Variants in MAML1 observed in about 807,000 individuals in gnomAD.
MAML1 encodes the protein mastermind-like protein 1.
Under a neutral mutation model 77.1 loss-of-function variants are expected in MAML1, and 14 were observed. The ratio of observed to expected loss-of-function variants is 0.18; its 90% CI spans 0.12 to 0.28. The LOEUF (loss-of-function observed/expected upper bound fraction) is 0.28, where lower values mean the gene tolerates loss of function less well. MAML1 is among the 10% of genes least tolerant of loss of function. MAML1 has a pLI of 1.00. For missense variants in MAML1, 1,217 were observed against 1,327.8 expected (o/e 0.92, Z 1.30); for synonymous variants, 516 against 551.9 (o/e 0.93, Z 0.91).
chr5:179,750,334 T>G (rs1159445491), intron 1 of MAML1, among the ~76,000 whole-genome samples: 1 of 152,256 alleles, frequency 6.6e-6, no homozygotes, highest in Non-Finnish European at 1.5e-5. Flanking sequence ...TCTCTTTGAG[T>G]GATTTGTTTT....
At position 179,773,935 on chromosome 5, in the gene MAML1, A is replaced by G; in HGVS notation, c.2109A>G (p.Pro703=). ...AAVPGMNTLG[P]SNSSCPRVFP... ...TGCCCGGCATGAACACCTTGGGTCC[A>G]TCCAACTCCAGCTGTCCTCGAGTGT... Residue 703 remains proline, a synonymous_variant, in exon 5 of 5, where the codon CCA becomes CCG. Coordinates refer to ENST00000292599, the MANE Select transcript of MAML1 (RefSeq NM_014757.5). The G allele has an allele frequency of 6.2e-7, 1 of 1,614,210 alleles. No individual in the cohort carries two copies. Among genetic ancestry groups the G allele is most frequent in the Non-Finnish European group, 8.5e-7 (1 of 1,180,024 alleles).
intron 4 of MAML1, 162 bp from the exon 5 acceptor site, chr5:179,773,733 A>G (rs2113385483): frequency 2.0e-6 from 2 of 985,384 alleles, no homozygotes; most frequent in Non-Finnish European, 2.4e-6. Flanking sequence ...TGTTTCAGAG[A>G]CCAGGCCTCC....
chr5:179,761,954 G>A (rs1779732323), intron 1 of MAML1, among the ~76,000 whole-genome samples: 1 of 152,150 alleles, frequency 6.6e-6, no homozygotes. Context: ...AACTGGTGGA[G>A]TTTGGCTGAC....
Position 179,765,628 on chromosome 5 carries a change from G to A in MAML1, c.618G>A (p.Glu206=). 1 of 1,614,210 alleles carries A rather than the reference G, an allele frequency of 6.2e-7. No homozygotes were observed. ...LHLNGGSNPS[E]SFPLSLNKEL... ...TGAATGGAGGCAGTAACCCCAGTGA[G>A]TCATTTCCTCTGAGCCTGAATAAAG... Residue 206 remains glutamate (E), a synonymous_variant, in exon 2 of 5, where the codon GAG becomes GAA. Coordinates refer to ENST00000292599, the MANE Select transcript of MAML1 (RefSeq NM_014757.5).
chr5:179,739,284 G>C (rs1779232582), intron 1 of MAML1, among the ~76,000 whole-genome samples: 1 of 152,190 alleles, frequency 6.6e-6, no homozygotes, highest in South Asian at 2.1e-4. Flanking sequence ...TTGGGAAGCT[G>C]TGGTGGGAGG....
chr5:179,764,893 G>A (rs1779784369), intron 1 of MAML1, among the ~76,000 whole-genome samples: 1 of 152,144 alleles, frequency 6.6e-6, no homozygotes, highest in South Asian at 2.1e-4. Flanking sequence ...GAACTCAGGA[G>A]ACGGAGGTTG....
chr5:179,739,715 A>T (rs1475983699), intron 1 of MAML1, among the ~76,000 whole-genome samples: 1 of 152,186 alleles, frequency 6.6e-6, no homozygotes, highest in Non-Finnish European at 1.5e-5. Context: ...ATATGACAAC[A>T]TTTACATAGC....
At chr5:179,742,697 C>T (rs1227565926) in intron 1 of MAML1, among the ~76,000 whole-genome samples, 2 of 151,892 alleles carry the variant, frequency 1.3e-5, no homozygotes, top group Non-Finnish European at 2.9e-5. Flanking sequence ...ATCCCAGGTA[C>T]TTGGGAGGCT....
At chr5:179,770,581 G>A (rs1405260502) in intron 3 of MAML1, among the ~76,000 whole-genome samples, 3 of 151,890 alleles carry the variant, frequency 2.0e-5, no homozygotes, top group African/African-American at 4.8e-5. Flanking sequence ...TTATTCATTC[G>A]TCTGTTCATG....
intron 1 of MAML1, 80 bp downstream of exon 1, chr5:179,733,507 G>A: frequency 2.0e-6 from 2 of 1,018,940 alleles, no homozygotes; most frequent in Non-Finnish European, 2.4e-6. Context: ...GGATCGGGCC[G>A]CTGGGAGACT....
intron 1 of MAML1, among the ~76,000 whole-genome samples, chr5:179,753,793 C>T: frequency 6.6e-6 from 1 of 151,256 alleles, no homozygotes; most frequent in Non-Finnish European, 1.5e-5. Context: ...TTCAGTCTCC[C>T]AAGTAGCTAG....
chr5:179,776,692 T>C lies in MAML1; in HGVS notation c.*1815T>C, dbSNP rs1756139807. The C allele has an allele frequency of 1.0e-5, 10 of 985,774 alleles. No homozygotes were observed. In the South Asian group the frequency reaches 3.8e-4, roughly 37 times the overall value. 61.1% of individuals were successfully genotyped at this position (985,774 alleles called of 1,614,324 possible). ...TCCTTGTTCCTCTCCTGACCCCATC[T>C]GGCTGCTGCCCCGTCTCCCACCCCT... On this transcript the variant is annotated 3_prime_UTR_variant, in exon 5 of 5. Transcript: ENST00000292599.
Position 179,769,133 on chromosome 5 carries a change from C to G in MAML1, c.1971+44C>G. ...GGAAACCACCGCTTCCCACCTTTGCCTGCACCCTGCGTCACTGCTACAGTC... is the reference window on the plus strand; with the variant it reads ...GGAAACCACCGCTTCCCACCTTTGCGTGCACCCTGCGTCACTGCTACAGTC... On this transcript the variant is annotated intron_variant, in intron 3 of 4. Coordinates refer to ENST00000292599, the MANE Select transcript of MAML1 (RefSeq NM_014757.5). This position sits in a 1 kb window ranked among gnomAD's most constrained non-coding sequence, Gnocchi z 4.2. 1 of 1,607,028 alleles carries G rather than the reference C, an allele frequency of 6.2e-7. No individual in the cohort carries two copies. The highest frequency in any genetic ancestry group is 1.3e-5 in the African/African-American group (1 of 74,896).
Position 179,774,740 on chromosome 5 carries a change from T to G in MAML1, c.2914T>G (p.Phe972Val). 7.4e-6 allele frequency: 12 copies of G among 1,612,558 alleles called. No homozygotes were observed. Among genetic ancestry groups the G allele is most frequent in the Non-Finnish European group, 1.0e-5 (12 of 1,180,000 alleles). Residue 972 changes from phenylalanine (F) to valine (V), a missense_variant, in exon 5 of 5, where the codon TTT (phenylalanine) becomes GTT (valine). By Grantham distance (50) the Phe-to-Val change is conservative (BLOSUM62 -1). Around this residue, in one of 3 missense-constraint regions of MAML1, gnomAD observed 884 missense variants for 949.3 expected, o/e 0.93. Transcript: ENST00000292599. ...PVRTAGQELP[F>V]AYSGQPGGSG... Reference sequence around the variant, plus strand: ...GCGGACCGCGGGCCAGGAGCTGCCTTTTGCCTATAGCGGGCAGCCAGGTGG... The same window carrying G: ...GCGGACCGCGGGCCAGGAGCTGCCTGTTGCCTATAGCGGGCAGCCAGGTGG...
In MAML1 at chr5:179,733,124, C is replaced by T. The variant is rs1779097781; in HGVS notation, c.12C>T (p.Pro4=). The change falls in exon 1 of 5, where the codon CCC becomes CCT. Residue 4 remains proline (P), a synonymous_variant. Transcript: ENST00000292599. ...GCAGCCCGCGGCCCATGGTGCTGCC[C>T]ACCTGCCCCATGGCGGAGTTCGCGC... is the stretch of plus-strand genomic sequence containing the variant. MVL[P]TCPMAEFALP... is the part of the protein sequence containing the mutation. 2.1e-6 allele frequency: 3 copies of T among 1,437,260 alleles called. No individual in the cohort carries two copies. Among genetic ancestry groups the T allele is most frequent in the African/African-American group, 1.5e-5 (1 of 67,016 alleles). 89.0% of individuals were successfully genotyped at this position (1,437,260 alleles called of 1,614,324 possible).
At chr5:179,734,849 T>TC (rs1224865480) in intron 1 of MAML1, among the ~76,000 whole-genome samples, 5 of 152,174 alleles carry the variant, frequency 3.3e-5, no homozygotes, top group Non-Finnish European at 7.3e-5. Context: ...AAGTTTTTTT[T>TC]CTGTTAGAGA....
intron 1 of MAML1, among the ~76,000 whole-genome samples, chr5:179,760,331 G>A (rs954543507): frequency 2.0e-5 from 3 of 152,138 alleles, no homozygotes; most frequent in Admixed American, 2.0e-4. Context: ...GGTAGGTGAT[G>A]TGGATGATGG....
Position 179,749,416 on chromosome 5 carries a change from G to A in MAML1, c.316-15910G>A, listed in dbSNP as rs1462518084. ...ACTGGGATTACAGACGTGAGCCACC[G>A]CACCCAGCAAATTTTTGTATTTTTA... On this transcript the variant is annotated intron_variant, in intron 1 of 4. Coordinates refer to ENST00000292599, the MANE Select transcript of MAML1 (RefSeq NM_014757.5). Among the ~76,000 whole-genome samples, 6 of 151,902 alleles carry A rather than the reference G, an allele frequency of 3.9e-5. 1 individual carries two copies. Among genetic ancestry groups the A allele is most frequent in the Admixed American group, 1.3e-4 (2 of 15,236 alleles).
intron 1 of MAML1, among the ~76,000 whole-genome samples, chr5:179,751,122 C>T (rs1779480397): frequency 6.6e-6 from 1 of 152,158 alleles, no homozygotes. Flanking sequence ...TACAGGCGCA[C>T]ACCACGATGC....
Sources: allele counts gnomAD v4.1 joint callset (sites outside exome capture counted in the v4.1 genomes callset), GRCh38; gene constraint gnomAD v4.1.1; regional missense constraint gnomAD v4.1.1; non-coding constraint Gnocchi (gnomAD v3.1); transcripts MANE v1.5; gene names NCBI Gene and HGNC (gene_info 2026-07-23, HGNC 2026-07-21).